Variants in CDKL5 observed in about 807,000 individuals in gnomAD.
CDKL5 encodes the protein cyclin dependent kinase like 5, also known as cyclin-dependent kinase-like 5.
In CDKL5, 8 loss-of-function variants were observed where a neutral mutation model predicts 61.7. The observed-to-expected ratio is 0.13, with a 90% CI of 0.08 to 0.23. The LOEUF is 0.23. Ranked by LOEUF, CDKL5 falls within the 10% of genes least tolerant of loss-of-function variation. The probability of loss-of-function intolerance (pLI) is 1.00; values close to 1 mark genes in which losing one functional copy is unlikely to be tolerated. For synonymous variants in CDKL5, 275 were observed against 272.3 expected (o/e 1.01, Z -0.10); for missense variants, 440 against 734.5 (o/e 0.60, Z 4.63).
chrX:18,489,447 C>A (rs1325582383), intron 1 of CDKL5, among the ~76,000 whole-genome samples: 1 of 110,962 alleles, frequency 9.0e-6, no homozygotes, highest in Non-Finnish European at 1.9e-5. Flanking sequence ...AAGCAGGAGC[C>A]ACTGCACAGA....
intron 3 of CDKL5, among the ~76,000 whole-genome samples, chrX:18,555,840 CTGAT>C (rs1305788311): frequency 1.8e-5 from 2 of 112,212 alleles, no homozygotes; most frequent in Non-Finnish European, 1.9e-5. Context: ...TGTTAGTTGA[CTGAT>C]TGAAACGCTC....
At chrX:18,552,583 G>A (rs1043752669) in intron 3 of CDKL5, among the ~76,000 whole-genome samples, 8 of 111,935 alleles carry the variant, frequency 7.1e-5, no homozygotes, top group African/African-American at 2.6e-4. Context: ...TTGATCAAGT[G>A]ATCATGTAAA....
chrX:18,452,975 C>T (rs760970191), intron 1 of CDKL5, among the ~76,000 whole-genome samples: 18 of 108,396 alleles, frequency 1.7e-4, no homozygotes, highest in Non-Finnish European at 3.2e-4. Flanking sequence ...GGATTACAGG[C>T]GTGCACCACG....
chrX:18,603,750 A>T (rs1031877659), intron 11 of CDKL5, 152 bp from the exon 12 acceptor site: 43 of 636,954 alleles, frequency 6.8e-5, no homozygotes, highest in Non-Finnish European at 1.0e-4. Context: ...ATTGCTGTTG[A>T]TAGGTTACTT....
downstream of CDKL5, chrX:18,640,936 C>A (rs1927552753): frequency 8.8e-6 from 1 of 113,084 alleles, no homozygotes; most frequent in Non-Finnish European, 1.9e-5. Context: ...CAGGCCCATT[C>A]CTTCCCAGAG....
At chrX:18,626,051 G>A (rs1388974473) in intron 17 of CDKL5, among the ~76,000 whole-genome samples, 1 of 109,140 alleles carries the variant, frequency 9.2e-6, no homozygotes, top group Non-Finnish European at 1.9e-5. Context: ...TCTGTGATTG[G>A]GAGAGCGGAC....
chrX:18,501,829 G>A (rs550728944), intron 1 of CDKL5, among the ~76,000 whole-genome samples: 10 of 112,259 alleles, frequency 8.9e-5, no homozygotes, highest in African/African-American at 3.2e-4. Context: ...GATTACAGGC[G>A]TGAGCCACCA....
chrX:18,646,609 G>C (rs933215503), intron 20 of CDKL5, among the ~76,000 whole-genome samples: 2 of 111,864 alleles, frequency 1.8e-5, no homozygotes, highest in African/African-American at 6.5e-5. Flanking sequence ...AGTCATTAAC[G>C]TGGCTTCTAA....
chrX:18,575,555 T>C (rs1416942901), intron 5 of CDKL5, 65 bp downstream of exon 5: 52 of 1,046,644 alleles, frequency 5.0e-5, no homozygotes, highest in Non-Finnish European at 6.6e-5. Context: ...TTTCTGACAT[T>C]ATTTAAGAAA....
At chrX:18,614,180 C>T (rs193256962) in intron 15 of CDKL5, among the ~76,000 whole-genome samples, 78 of 111,797 alleles carry the variant, frequency 7.0e-4, no homozygotes, top group African/African-American at 2.5e-3. Flanking sequence ...ACTCCTGACT[C>T]CATGTGATGT....
intron 1 of CDKL5, among the ~76,000 whole-genome samples, chrX:18,492,065 T>G (rs140237963): frequency 0.047 from 5,241 of 111,143 alleles, 327 homozygotes; most frequent in African/African-American, 0.16. Context: ...TTTTGAAGGA[T>G]TTTATCAAAT....
intron 10 of CDKL5, 100 bp from the exon 11 acceptor site, chrX:18,598,362 T>C: frequency 1.6e-6 from 1 of 606,634 alleles, no homozygotes. Flanking sequence ...TATTCTGCAA[T>C]GACTGTGTAT....
At chrX:18,455,971 T>TG (rs1932130599) in intron 1 of CDKL5, among the ~76,000 whole-genome samples, 1 of 112,049 alleles carries the variant, frequency 8.9e-6, no homozygotes, top group African/African-American at 3.2e-5. Flanking sequence ...GATCCACAGT[T>TG]GATACCCAAC....
intron 5 of CDKL5, among the ~76,000 whole-genome samples, chrX:18,578,092 CA>C: frequency 8.9e-6 from 1 of 111,754 alleles, no homozygotes; most frequent in East Asian, 2.8e-4. Flanking sequence ...AGCAAATGTG[CA>C]AAAACATCTG....
chrX:18,564,941 A>G (rs949706759), intron 4 of CDKL5, among the ~76,000 whole-genome samples: 6 of 111,738 alleles, frequency 5.4e-5, no homozygotes, highest in African/African-American at 1.9e-4. Flanking sequence ...GGTTACGGTG[A>G]TCTCCAGCTC....
At chrX:18,609,165 G>A (rs1240133673) in intron 13 of CDKL5, among the ~76,000 whole-genome samples, 1 of 111,475 alleles carries the variant, frequency 9.0e-6, no homozygotes, top group Non-Finnish European at 1.9e-5. Flanking sequence ...GGCTGAGGTG[G>A]GAGGATTGCT....
intron 15 of CDKL5, among the ~76,000 whole-genome samples, chrX:18,618,112 A>G (rs895775192): frequency 3.6e-5 from 4 of 112,262 alleles, no homozygotes; most frequent in African/African-American, 1.3e-4. Flanking sequence ...ACATTCTTAC[A>G]GTAATGCCCA....
At chrX:18,453,110 G>A (rs889891583) in intron 1 of CDKL5, among the ~76,000 whole-genome samples, 1 of 111,497 alleles carries the variant, frequency 9.0e-6, no homozygotes, top group African/African-American at 3.3e-5. Context: ...GATTACAGGC[G>A]TGGGCCACTG....
chrX:18,591,935 C>T (rs1925845445), intron 9 of CDKL5, among the ~76,000 whole-genome samples: 1 of 112,304 alleles, frequency 8.9e-6, no homozygotes, highest in Non-Finnish European at 1.9e-5. Context: ...AATATGTATC[C>T]TCACTGGACT....
Sources: allele counts gnomAD v4.1 joint callset (sites outside exome capture counted in the v4.1 genomes callset), GRCh38; gene constraint gnomAD v4.1.1; transcripts MANE v1.5; gene names NCBI Gene and HGNC (gene_info 2026-07-23, HGNC 2026-07-21).